The following ATP11A variants were observed in gnomAD, a reference collection of about 807,000 sequenced individuals.
ATP11A encodes the protein phospholipid-transporting ATPase IH.
In ATP11A, 81 loss-of-function variants were observed where a neutral mutation model predicts 154.4. That is an observed-to-expected ratio of 0.52 (90% confidence interval 0.44 to 0.63). The LOEUF (loss-of-function observed/expected upper bound fraction) is 0.63, where lower values mean the gene tolerates loss of function less well. Ranked by LOEUF, ATP11A falls within the 30% of genes least tolerant of loss-of-function variation. ATP11A has a pLI of 0.00. For synonymous variants in ATP11A, 623 were observed against 585.9 expected (o/e 1.06, Z -0.91); for missense variants, 1,316 against 1,474.3 (o/e 0.89, Z 1.76).
chr13:112,725,746 AT>A (rs1161500367), intron 1 of ATP11A, among the ~76,000 whole-genome samples: 2 of 152,186 alleles, frequency 1.3e-5, no homozygotes, highest in African/African-American at 4.8e-5. Flanking sequence ...AGAAGCTTCT[AT>A]TTGTGGAGGA....
At chr13:112,719,256 G>A (rs1888869721) in intron 1 of ATP11A, among the ~76,000 whole-genome samples, 1 of 152,172 alleles carries the variant, frequency 6.6e-6, no homozygotes, top group Non-Finnish European at 1.5e-5. Context: ...ATGATGGTGT[G>A]TTTCAGGTAT....
At chr13:112,881,725 G>A (rs1343948301) in intron 29 of ATP11A, 151 bp from the exon 30 acceptor site, 3 of 1,309,990 alleles carry the variant, frequency 2.3e-6, no homozygotes, top group Non-Finnish European at 1.0e-6. Flanking sequence ...AGGAGGCGAT[G>A]GTAGTGAGTG....
chr13:112,851,793 A>C (rs2079775130), intron 18 of ATP11A: 1 of 152,362 alleles, frequency 6.6e-6, no homozygotes, highest in African/African-American at 2.4e-5. Flanking sequence ...AAAGTGCTGG[A>C]ATTGCAGGCA....
intron 1 of ATP11A, among the ~76,000 whole-genome samples, chr13:112,783,297 C>T (rs1349410458): frequency 6.6e-6 from 1 of 152,106 alleles, no homozygotes; most frequent in Non-Finnish European, 1.5e-5. Flanking sequence ...CCTTTTTTGG[C>T]TTTAAAAAAC....
intron 12 of ATP11A, among the ~76,000 whole-genome samples, chr13:112,828,112 TGGGGGGAAGCGCCCAGCAGC>T (rs2078981709): frequency 2.4e-5 from 1 of 41,406 alleles, no homozygotes; most frequent in Non-Finnish European, 4.3e-5. Context: ...CAGCGTTGAG[TGGGGGGAAGCGCCCAGCAGC>T]GTTGAGTAGG....
chr13:112,817,620 C>T (rs1424643170), intron 6 of ATP11A, among the ~76,000 whole-genome samples: 2 of 152,200 alleles, frequency 1.3e-5, no homozygotes, highest in African/African-American at 4.8e-5. Context: ...TACACCCCTT[C>T]CCTGCAGACT....
intron 1 of ATP11A, among the ~76,000 whole-genome samples, chr13:112,736,332 T>A (rs1327347872): frequency 6.6e-6 from 1 of 152,246 alleles, no homozygotes; most frequent in African/African-American, 2.4e-5. Context: ...CATATAGAGC[T>A]GCTAAATAGT....
At chr13:112,725,871 G>A (rs1240445532) in intron 1 of ATP11A, among the ~76,000 whole-genome samples, 2 of 152,216 alleles carry the variant, frequency 1.3e-5, no homozygotes, top group East Asian at 3.8e-4. Context: ...GGCTGAGAGA[G>A]ACTCAGGAGC....
intron 3 of ATP11A, 44 bp from the exon 4 acceptor site, chr13:112,806,169 A>G: frequency 6.7e-7 from 1 of 1,493,704 alleles, no homozygotes; most frequent in East Asian, 2.3e-5. Flanking sequence ...GAAGTCACTC[A>G]TTTGTGTTTT....
rs2080970551 is a variant in ATP11A, at chr13:112,885,785, G to A, written c.*3919G>A. On this transcript the variant is annotated 3_prime_UTR_variant, in exon 30 of 30. Transcript: ENST00000375645. ...GTGAGAGGCCTCTGGATGGGCATGGGAAGATGGGCTCCCTGGCCCCCAGCC... is the reference window on the plus strand; with the variant it reads ...GTGAGAGGCCTCTGGATGGGCATGGAAAGATGGGCTCCCTGGCCCCCAGCC... 6.6e-6 allele frequency: 1 copy of A among 152,376 alleles called. No individual in the cohort carries two copies. The highest frequency in any genetic ancestry group is 2.1e-4 in the South Asian group (1 of 4,838). 9.4% of individuals were successfully genotyped at this position (152,376 alleles called of 1,614,324 possible).
chr13:112,808,640 G>C (rs1345186503), intron 4 of ATP11A, among the ~76,000 whole-genome samples: 1 of 152,044 alleles, frequency 6.6e-6, no homozygotes, highest in African/African-American at 2.4e-5. Context: ...CGCTTGCCTT[G>C]GAAAGCCCCC....
Position 112,842,397 on chromosome 13 carries a change from G to C in ATP11A, c.1809+18G>C. The stretch of plus-strand genomic sequence containing the variant: ...ACGCAGTGGTGAGAGCCGGGCTGGG[G>C]AGGGCCTCGTGGCGGTCAGCTCCCC... On this transcript the variant is annotated intron_variant, in intron 17 of 29. Transcript: ENST00000375645. 3 of 1,576,864 alleles carry C rather than the reference G, an allele frequency of 1.9e-6. No individual in the cohort carries two copies. The highest frequency in any genetic ancestry group is 1.8e-5 in the Admixed American group (1 of 55,744).
intron 16 of ATP11A, among the ~76,000 whole-genome samples, chr13:112,837,284 G>A (rs1024110991): frequency 6.6e-6 from 1 of 152,154 alleles, no homozygotes; most frequent in South Asian, 2.1e-4. Flanking sequence ...CTTGTTCCCC[G>A]CTTCCTGCCG....
chr13:112,766,329 G>A (rs959473425), intron 1 of ATP11A, among the ~76,000 whole-genome samples: 2 of 152,226 alleles, frequency 1.3e-5, no homozygotes, highest in Non-Finnish European at 2.9e-5. Flanking sequence ...AGAGGGATGA[G>A]TAAGGGGCTT....
rs2077597231 is a variant in ATP11A, at chr13:112,785,306, GC to G, written c.162+51del. On this transcript the variant is annotated intron_variant, in intron 2 of 29. Coordinates refer to ENST00000375645, the MANE Select transcript of ATP11A (RefSeq NM_015205.3). The surrounding 1 kb of genome is among the most constrained non-coding windows in gnomAD (Gnocchi z 4.8). Reference sequence around the variant, plus strand: ...TCCATAATGTGTCTAAAAAGCAGCTGCCGGGGGGTGTTAGTGCTTCTCGGTT... The same window carrying G: ...TCCATAATGTGTCTAAAAAGCAGCTGCGGGGGGTGTTAGTGCTTCTCGGTT... The G allele has an allele frequency of 7.2e-7, 1 of 1,381,400 alleles. No individual in the cohort carries two copies. The highest frequency in any genetic ancestry group is 9.5e-7 in the Non-Finnish European group (1 of 1,056,952). The allele number at this position is 1,381,400 out of a possible 1,614,324, so 85.6% of individuals were successfully genotyped here.
chr13:112,737,424 T>C (rs1891109866), intron 1 of ATP11A, among the ~76,000 whole-genome samples: 1 of 152,250 alleles, frequency 6.6e-6, no homozygotes, highest in Non-Finnish European at 1.5e-5. Context: ...ATGACTCATG[T>C]GGCGTTAAAT....
chr13:112,719,032 G>T (rs753622338), intron 1 of ATP11A, among the ~76,000 whole-genome samples: 2 of 152,136 alleles, frequency 1.3e-5, no homozygotes, highest in African/African-American at 2.4e-5. Context: ...TTCAACGATG[G>T]CTTTAACAGA....
chr13:112,832,996 A>T lies in ATP11A; in HGVS notation c.1532A>T (p.Glu511Val). 3 of 1,613,260 alleles carry T rather than the reference A, an allele frequency of 1.9e-6. No homozygotes were observed. Among genetic ancestry groups the T allele is most frequent in the Non-Finnish European group, 2.5e-6 (3 of 1,179,786 alleles). The change falls in exon 14 of 30, where the codon GAG (glutamate) becomes GTG (valine). Residue 511 changes from glutamate (E) to valine (V), a missense_variant. Physicochemically the swap from Glu to Val is moderately radical, Grantham distance 121. This residue lies in a region of ATP11A where 876 missense variants were observed against 1,006.8 expected (regional missense o/e 0.87). Coordinates refer to ENST00000375645, the MANE Select transcript of ATP11A (RefSeq NM_015205.3). ...GTGTACATCTCATCCTCGCCCGACG[A>T]GGTGGCGCTGGTCGAAGGTGTCCAG... is the stretch of plus-strand genomic sequence containing the variant. ...SCVYISSSPD[E>V]VALVEGVQRL...
chr13:112,728,502 C>T (rs1184399378), intron 1 of ATP11A, among the ~76,000 whole-genome samples: 2 of 149,616 alleles, frequency 1.3e-5, no homozygotes, highest in Non-Finnish European at 1.5e-5. Flanking sequence ...GTATGTACCG[C>T]GTTATCAGTA....
Sources: allele counts gnomAD v4.1 joint callset (sites outside exome capture counted in the v4.1 genomes callset), GRCh38; gene constraint gnomAD v4.1.1; regional missense constraint gnomAD v4.1.1; non-coding constraint Gnocchi (gnomAD v3.1); transcripts MANE v1.5; gene names NCBI Gene and HGNC (gene_info 2026-07-23, HGNC 2026-07-21).